STEAP2: variants seen among roughly 807,000 people sequenced by gnomAD.
STEAP2 encodes the protein STEAP2 metalloreductase, also known as metalloreductase STEAP2.
A neutral mutation model predicts 46.4 loss-of-function variants in STEAP2; 30 were observed. The observed-to-expected ratio is 0.65, with a 90% confidence interval of 0.48 to 0.88. The LOEUF (loss-of-function observed/expected upper bound fraction) is 0.88. Ranked by LOEUF, STEAP2 falls within the 40% of genes least tolerant of loss-of-function variation. The pLI is 0.00. For synonymous variants in STEAP2, 180 were observed against 200.5 expected, an observed-to-expected ratio of 0.90 and a Z score of 0.86; for missense variants, 513 against 579.3, an observed-to-expected ratio of 0.89 and a Z score of 1.18.
chr7:90,216,310 G>C (rs1461507665), intron 1 of STEAP2, 181 bp from the exon 2 acceptor site: 3 of 152,116 alleles, frequency 2.0e-5, no homozygotes, highest in Non-Finnish European at 4.4e-5. Flanking sequence ...TGGAAACAGT[G>C]GTCTGCTCAG....
At chr7:90,230,254 C>T (rs924423329) in intron 5 of STEAP2, among the ~76,000 whole-genome samples, 2 of 151,484 alleles carry the variant, frequency 1.3e-5, no homozygotes, top group African/African-American at 4.9e-5. Flanking sequence ...ACAGCACTGC[C>T]TTCCAGTATA....
At position 90,225,108 on chromosome 7, in the gene STEAP2, G is replaced by T. The variant is rs145665106; in HGVS notation, c.26G>T (p.Ser9Ile). 1 of 1,613,490 alleles carries T rather than the reference G, an allele frequency of 6.2e-7. No individual in the cohort carries two copies. Among genetic ancestry groups the T allele is most frequent in the African/African-American group, 1.3e-5 (1 of 74,876 alleles). ...ATGGAATCAATCTCTATGATGGGAA[G>T]CCCTAAGAGCCTTAGTGAAACTTTT... MESISMMG[S>I]PKSLSETFLP... The change falls in exon 3 of 6, where the codon AGC becomes ATC. Residue 9 changes from serine to isoleucine, a missense_variant. By Grantham distance (142) the Ser-to-Ile change is moderately radical. Coordinates refer to ENST00000394621, the MANE Select transcript of STEAP2 (RefSeq NM_001244944.2).
In STEAP2 at chr7:90,234,999, T is replaced by A. The variant is rs194529; in HGVS notation, c.*2375T>A. The A allele has an allele frequency of 0.79, 765,025 of 964,592 alleles. 305,004 individuals carry two copies. The highest frequency in any genetic ancestry group is 0.8 in the Non-Finnish European group (652,015 of 810,990). The allele number at this position is 964,592 out of a possible 1,614,324, so 59.8% of individuals were successfully genotyped here. On this transcript the variant is annotated 3_prime_UTR_variant, in exon 6 of 6. Coordinates refer to ENST00000394621, the MANE Select transcript of STEAP2 (RefSeq NM_001244944.2). ...GCAAAAACATTCTATTATAGTGAAC[T>A]AATGAAAATAACAGCGTATTTTCAA...
chr7:90,230,965 A>G (rs1437656689), intron 5 of STEAP2, among the ~76,000 whole-genome samples: 1 of 151,874 alleles, frequency 6.6e-6, no homozygotes, highest in African/African-American at 2.4e-5. Flanking sequence ...TAGTTTAATC[A>G]TACCCGAAAA....
At position 90,225,319 on chromosome 7, in the gene STEAP2, T is replaced by C. The variant is rs902756885; in HGVS notation, c.237T>C (p.His79=). The C allele has an allele frequency of 1.9e-6, 3 of 1,614,042 alleles. No homozygotes were observed. Among genetic ancestry groups the C allele is most frequent in the Non-Finnish European group, 2.5e-6 (3 of 1,179,970 alleles). The part of the protein sequence containing the change: ...FFPHVVDVTH[H]EDALTKTNII... The stretch of plus-strand genomic sequence containing the variant: ...CTCATGTGGTAGATGTCACTCATCA[T>C]GAAGATGCTCTCACAAAAACAAATA... Residue 79 remains histidine (H), a synonymous_variant, in exon 3 of 6, where the codon CAT becomes CAC. Coordinates refer to ENST00000394621, the MANE Select transcript of STEAP2 (RefSeq NM_001244944.2).
In STEAP2 at chr7:90,227,114, G is replaced by A; in HGVS notation, c.636G>A (p.Trp212Ter). ...TACCCCTACGACTCTTTACTCTCTG[G>A]AGAGGGCCAGTGGTGGTAGCTATAA... ...ENLPLRLFTLWRGPVVVAISL... is the reference protein window; with the variant it reads ...ENLPLRLFTL The change falls in exon 4 of 6, where the codon TGG (tryptophan) becomes TGA (stop). Residue 212 changes from tryptophan to a stop codon, truncating the protein, a stop_gained. Transcript: ENST00000394621. LOFTEE classifies it high-confidence loss of function. The A allele has an allele frequency of 1.2e-6, 2 of 1,613,832 alleles. No individual in the cohort carries two copies. Among genetic ancestry groups the A allele is most frequent in the Non-Finnish European group, 1.7e-6 (2 of 1,179,874 alleles).
chr7:90,214,842 A>G (rs539112918), intron 1 of STEAP2, among the ~76,000 whole-genome samples: 2 of 152,306 alleles, frequency 1.3e-5, no homozygotes, highest in South Asian at 2.1e-4. Context: ...TCAGGCAGTG[A>G]GTGACTGAGG....
At chr7:90,239,001 G>A (rs2116424660), downstream of STEAP2, among the ~76,000 whole-genome samples, 1 of 152,286 alleles carries the variant, frequency 6.6e-6, no homozygotes. Context: ...TACCATTTGT[G>A]CCTTGATTAA....
chr7:90,216,442 T>C (rs1795018195), intron 1 of STEAP2, 49 bp from the exon 2 acceptor site: 1 of 152,116 alleles, frequency 6.6e-6, no homozygotes, highest in South Asian at 2.1e-4. Context: ...GAACAAAGTA[T>C]GTTGTGCAAG....
rs910098196 is a variant in STEAP2, at chr7:90,234,240, T to G, written c.*1616T>G. The G allele has an allele frequency of 9.8e-5, 97 of 985,326 alleles. No homozygotes were observed. The highest frequency in any genetic ancestry group is 1.2e-4 in the Non-Finnish European group (97 of 829,942). 61.0% of individuals were successfully genotyped at this position (985,326 alleles called of 1,614,324 possible). On this transcript the variant is annotated 3_prime_UTR_variant, in exon 6 of 6. Transcript: ENST00000394621. Reference sequence around the variant, plus strand: ...TTTTTCAGTGCTGTCCTTCCACATTTAATTGCATTTTGCTCAAACTGTAGA... The same window carrying G: ...TTTTTCAGTGCTGTCCTTCCACATTGAATTGCATTTTGCTCAAACTGTAGA...
intron 2 of STEAP2, among the ~76,000 whole-genome samples, chr7:90,221,853 A>C (rs1795270285): frequency 6.6e-6 from 1 of 152,238 alleles, no homozygotes; most frequent in Admixed American, 6.5e-5. Flanking sequence ...TCTGATTTAC[A>C]GAAGGGATTT....
intron 4 of STEAP2, among the ~76,000 whole-genome samples, chr7:90,228,180 T>G (rs1795578195): frequency 6.6e-6 from 1 of 152,078 alleles, no homozygotes; most frequent in African/African-American, 2.4e-5. Context: ...AATCCACAAA[T>G]GTAATTTAAG....
In STEAP2 at chr7:90,234,693, G is replaced by GGTGCCCGCCACC. The variant is rs1795895814; in HGVS notation, c.*2070_*2081dup. 1 of 453,390 alleles carries GGTGCCCGCCACC rather than the reference G, an allele frequency of 2.2e-6. No individual in the cohort carries two copies. Among genetic ancestry groups the GGTGCCCGCCACC allele is most frequent in the South Asian group, 9.3e-5 (1 of 10,748 alleles). 28.1% of individuals were successfully genotyped at this position (453,390 alleles called of 1,614,324 possible). Reference sequence around the variant, plus strand: ...AGCCTCCCGAGTAGCTGGGACTACAGGTGCCCGCCACCATGCCCGGCTGAT... The same window carrying GGTGCCCGCCACC: ...AGCCTCCCGAGTAGCTGGGACTACAGGTGCCCGCCACCGTGCCCGCCACCATGCCCGGCTGAT... On this transcript the variant is annotated 3_prime_UTR_variant, in exon 6 of 6. Transcript: ENST00000394621.
chr7:90,224,764 C>A (rs566373085), intron 2 of STEAP2, among the ~76,000 whole-genome samples: 1 of 152,328 alleles, frequency 6.6e-6, no homozygotes, highest in Non-Finnish European at 1.5e-5. Context: ...TAACGAGATT[C>A]CGAAGTGATC....
intron 4 of STEAP2, among the ~76,000 whole-genome samples, chr7:90,229,587 T>C (rs183168): frequency 0.9 from 136,961 of 152,148 alleles, 61,919 homozygotes; most frequent in East Asian, 1. Flanking sequence ...TGGTGTTGGA[T>C]TCCAGAGTCC....
chr7:90,241,839 C>T (rs1271570704), downstream of STEAP2, among the ~76,000 whole-genome samples: 1 of 152,124 alleles, frequency 6.6e-6, no homozygotes, highest in Non-Finnish European at 1.5e-5. Context: ...CAAGGTTGCA[C>T]CCAACACAGC....
At position 90,219,676 on chromosome 7, in the gene STEAP2, T is replaced by A. The variant is rs554290762; in HGVS notation, c.-34+3073T>A. Among the ~76,000 whole-genome samples, 10 of 152,122 alleles carry A rather than the reference T, an allele frequency of 6.6e-5. No homozygotes were observed. The South Asian group carries it at 2.1e-3, about 32-fold the overall frequency. On this transcript the variant is annotated intron_variant, in intron 2 of 5. Transcript: ENST00000394621. ...CCCCTTTGATCATGATGTGTGTGTGTTTTTTTTATGAGTTGTTAGATTTGG... is the reference window on the plus strand; with the variant it reads ...CCCCTTTGATCATGATGTGTGTGTGATTTTTTTATGAGTTGTTAGATTTGG...
intron 3 of STEAP2, among the ~76,000 whole-genome samples, chr7:90,226,250 G>T (rs1277352684): frequency 1.3e-5 from 2 of 152,154 alleles, no homozygotes; most frequent in East Asian, 3.8e-4. Flanking sequence ...ATGTGGAACA[G>T]TGATTAAATT....
At chr7:90,221,440 A>G (rs1795254273) in intron 2 of STEAP2, among the ~76,000 whole-genome samples, 1 of 151,922 alleles carries the variant, frequency 6.6e-6, no homozygotes, top group South Asian at 2.1e-4. Flanking sequence ...AAGTATAGTG[A>G]CTTTTGGTTT....
Sources: gnomAD v4.1 joint callset for allele counts (sites outside exome capture counted in the v4.1 genomes callset) on GRCh38, gnomAD v4.1.1 for gene constraint, MANE v1.5 for transcripts, NCBI Gene and HGNC (gene_info 2026-07-23, HGNC 2026-07-21) for gene names.